Variants in GSDMC observed in about 807,000 individuals in gnomAD.
The protein encoded by GSDMC is gasdermin C.
A neutral mutation model predicts 58.0 loss-of-function variants in GSDMC; 59 were observed. The ratio of observed to expected loss-of-function variants is 1.02; its 90% CI spans 0.82 to 1.26. The LOEUF (loss-of-function observed/expected upper bound fraction) is 1.26. Among genes scored for constraint, GSDMC ranks in the 50% most tolerant of loss-of-function variants. The pLI, the probability that GSDMC is intolerant of heterozygous loss-of-function variation, is 0.00. For synonymous variants in GSDMC, 241 were observed against 220.2 expected (o/e 1.09, Z -0.83); for missense variants, 659 against 598.5 (o/e 1.10, Z -1.06).
chr8:129,766,748 A>T (rs575809142), intron 3 of GSDMC, among the ~76,000 whole-genome samples: 2 of 152,258 alleles, frequency 1.3e-5, no homozygotes, highest in South Asian at 4.2e-4. Context: ...CCCAGGCGCC[A>T]CCGCAACATG....
chr8:129,723,183 C>G, the GSDMC span, among the ~76,000 whole-genome samples: 2 of 152,222 alleles, frequency 1.3e-5, no homozygotes, highest in Admixed American at 6.5e-5. Flanking sequence ...CTGACCTTGA[C>G]ACTCACCCTC....
chr8:129,740,943 CTA>C, the GSDMC span, among the ~76,000 whole-genome samples: 1 of 152,098 alleles, frequency 6.6e-6, no homozygotes, highest in Non-Finnish European at 1.5e-5. Flanking sequence ...GAGCTTTTCC[CTA>C]TGTTTTCTTC....
the GSDMC span, chr8:129,729,884 A>G: frequency 6.2e-5 from 68 of 1,099,670 alleles, no homozygotes; most frequent in Middle Eastern, 8.9e-4. Context: ...TATTGCCCCA[A>G]CCTACTGAGA....
intron 1 of GSDMC, among the ~76,000 whole-genome samples, chr8:129,778,369 A>T (rs1425763228): frequency 6.6e-6 from 1 of 152,192 alleles, no homozygotes; most frequent in African/African-American, 2.4e-5. Flanking sequence ...TGTCTTCTTC[A>T]TTCAATAAAT....
downstream of GSDMC, among the ~76,000 whole-genome samples, chr8:129,746,168 A>T (rs114937274): frequency 7.4e-3 from 1,122 of 152,296 alleles, 12 homozygotes; most frequent in African/African-American, 0.026. Flanking sequence ...TAGAAAACAT[A>T]GCTCAAGAAA....
chr8:129,748,880 G>T, intron 13 of GSDMC, 140 bp from the exon 14 acceptor site: 1 of 562,518 alleles, frequency 1.8e-6, no homozygotes, highest in Non-Finnish European at 2.9e-6. Context: ...GTAACATGCT[G>T]GTCATACCCT....
At chr8:129,718,238 A>ATTTTCT in the GSDMC span, among the ~76,000 whole-genome samples, 1 of 152,182 alleles carries the variant, frequency 6.6e-6, no homozygotes, top group African/African-American at 2.4e-5. Flanking sequence ...TAAACAGGCA[A>ATTTTCT]CCTACCAAAT....
chr8:129,771,156 CAT>C (rs1468665935), intron 3 of GSDMC, among the ~76,000 whole-genome samples: 1 of 151,244 alleles, frequency 6.6e-6, no homozygotes, highest in Non-Finnish European at 1.5e-5. Flanking sequence ...CATCAGAGCA[CAT>C]AAATATATAA....
chr8:129,728,939 G>C, the GSDMC span: 13 of 666,856 alleles, frequency 1.9e-5, no homozygotes, highest in Non-Finnish European at 3.7e-5. Context: ...GGCCCGAGGT[G>C]GTGGCGGTGG....
the GSDMC span, among the ~76,000 whole-genome samples, chr8:129,734,927 G>T: frequency 9.9e-4 from 151 of 152,200 alleles, 2 homozygotes; most frequent in African/African-American, 3.4e-3. Flanking sequence ...CATCTCACAT[G>T]CAGAGACAGG....
the GSDMC span, among the ~76,000 whole-genome samples, chr8:129,727,859 G>A: frequency 1.3e-5 from 2 of 152,200 alleles, no homozygotes; most frequent in African/African-American, 4.8e-5. Flanking sequence ...GTCTGGGGCA[G>A]AAGAAAAGCT....
chr8:129,732,377 C>T, the GSDMC span, among the ~76,000 whole-genome samples: 1 of 150,316 alleles, frequency 6.7e-6, no homozygotes, highest in African/African-American at 2.4e-5. Context: ...ACAGTTACAC[C>T]CCCTAGGGAG....
chr8:129,762,615 G>C lies in GSDMC; in HGVS notation c.676+11C>G, dbSNP rs115029207. 6.4e-7 allele frequency: 1 copy of C among 1,561,296 alleles called. No individual in the cohort carries two copies. Among genetic ancestry groups the C allele is most frequent in the Non-Finnish European group, 8.8e-7 (1 of 1,131,466 alleles). The stretch of plus-strand genomic sequence containing the variant: ...ACTGCCATCTGCCTTGCTGAGCTCC[G>C]CTGCTCCCACCTTTCTCCTTGATAA... On this transcript the variant is annotated intron_variant, in intron 5 of 13. Coordinates refer to ENST00000276708, the MANE Select transcript of GSDMC (RefSeq NM_031415.3).
the GSDMC span, among the ~76,000 whole-genome samples, chr8:129,715,141 G>A: frequency 6.6e-6 from 1 of 152,094 alleles, no homozygotes; most frequent in East Asian, 1.9e-4. Flanking sequence ...AAGACACAGG[G>A]TCATAAACAG....
chr8:129,765,512 T>C (rs1343007191), intron 4 of GSDMC, 116 bp downstream of exon 4: 2 of 769,246 alleles, frequency 2.6e-6, no homozygotes, highest in African/African-American at 1.7e-5. Flanking sequence ...AAATAATGAC[T>C]CCATCCCTTG....
chr8:129,757,161 G>C (rs1484656345), intron 6 of GSDMC, among the ~76,000 whole-genome samples: 2 of 148,180 alleles, frequency 1.3e-5, no homozygotes, highest in Non-Finnish European at 3.0e-5. Context: ...ACTTTAGCCA[G>C]AACAATAAAA....
the GSDMC span, among the ~76,000 whole-genome samples, chr8:129,727,026 C>CACT: frequency 2.5e-5 from 1 of 39,588 alleles, no homozygotes; most frequent in Non-Finnish European, 4.8e-5. Context: ...ACACACACAC[C>CACT]TATTCACATA....
chr8:129,750,403 A>C, intron 11 of GSDMC, 28 bp downstream of exon 11: 1 of 1,603,654 alleles, frequency 6.2e-7, no homozygotes, highest in Non-Finnish European at 8.5e-7. Flanking sequence ...AGCTTTTACC[A>C]GACCTATGCA....
the GSDMC span, among the ~76,000 whole-genome samples, chr8:129,742,764 T>C: frequency 6.6e-6 from 1 of 152,224 alleles, no homozygotes; most frequent in Non-Finnish European, 1.5e-5. Flanking sequence ...GCTGTCCAAT[T>C]ACTTGAAAAC....
Sources: allele counts gnomAD v4.1 joint callset (sites outside exome capture counted in the v4.1 genomes callset), GRCh38; gene constraint gnomAD v4.1.1; transcripts MANE v1.5; gene names NCBI Gene and HGNC (gene_info 2026-07-23, HGNC 2026-07-21).